BCAS3: variants seen among roughly 807,000 people sequenced by gnomAD.
BCAS3 encodes BCAS3 microtubule associated cell migration factor, also known as BCAS4/BCAS3 fusion.
A neutral mutation model predicts 116.1 loss-of-function variants in BCAS3; 53 were observed. That is an observed-to-expected ratio of 0.46 (90% CI 0.37 to 0.57). The LOEUF is 0.57. BCAS3 is among the 20% of genes least tolerant of loss of function. The pLI is 0.00. For missense variants in BCAS3, 917 were observed against 1,165.4 expected, an observed-to-expected ratio of 0.79 and a Z score of 3.10; for synonymous variants, 391 against 408.2, an observed-to-expected ratio of 0.96 and a Z score of 0.51.
At chr17:61,351,740 T>C (rs999409090) in intron 22 of BCAS3, among the ~76,000 whole-genome samples, 4 of 152,060 alleles carry the variant, frequency 2.6e-5, no homozygotes, top group African/African-American at 9.7e-5. Context: ...ACCAGGAGGA[T>C]GTAAGGAGGT....
chr17:60,757,331 TAAATA>T (rs2043094914), intron 6 of BCAS3, among the ~76,000 whole-genome samples: 2 of 22,302 alleles, frequency 9.0e-5, no homozygotes, highest in Non-Finnish European at 1.6e-3. Flanking sequence ...ATAATAATAA[TAAATA>T]AATAAATAAA....
chr17:60,787,387 A>G (rs2046370774), intron 6 of BCAS3, among the ~76,000 whole-genome samples: 1 of 152,150 alleles, frequency 6.6e-6, no homozygotes, highest in African/African-American at 2.4e-5. Flanking sequence ...ATACATCAAT[A>G]TATCTTTCCT....
chr17:61,329,343 A>ATTATTTTTTTTTTT (rs1555831750), intron 22 of BCAS3, among the ~76,000 whole-genome samples: 1 of 131,278 alleles, frequency 7.6e-6, no homozygotes, highest in African/African-American at 2.9e-5. Flanking sequence ...TATTATTATT[A>ATTATTTTTTTTTTT]TTTTTTTTTT....
chr17:61,369,281 A>C (rs1187492991), intron 23 of BCAS3, among the ~76,000 whole-genome samples: 2 of 152,064 alleles, frequency 1.3e-5, no homozygotes, highest in African/African-American at 2.4e-5. Context: ...CCCTCCTTTC[A>C]GAGGGAACTT....
At chr17:60,817,283 G>T (rs2049515199) in intron 7 of BCAS3, among the ~76,000 whole-genome samples, 1 of 152,178 alleles carries the variant, frequency 6.6e-6, no homozygotes, top group East Asian at 1.9e-4. Flanking sequence ...AGAAACTAAG[G>T]CAGTGTCTTG....
chr17:60,968,641 A>T (rs921184615), intron 14 of BCAS3, among the ~76,000 whole-genome samples: 2 of 152,042 alleles, frequency 1.3e-5, no homozygotes, highest in Admixed American at 6.6e-5. Context: ...AGTACTGCCT[A>T]TCCTGATTTG....
intron 22 of BCAS3, among the ~76,000 whole-genome samples, chr17:61,178,339 G>A (rs1279658515): frequency 6.6e-6 from 1 of 152,130 alleles, no homozygotes; most frequent in Non-Finnish European, 1.5e-5. Flanking sequence ...CTTAGTTGCA[G>A]CACAATATAA....
At position 61,077,757 on chromosome 17, in the gene BCAS3, AG is replaced by A. The variant is rs1462613025; in HGVS notation, c.2131-573del. On this transcript the variant is annotated intron_variant, in intron 20 of 23. Coordinates refer to ENST00000407086, the MANE Select transcript of BCAS3 (RefSeq NM_017679.5). This position sits in a 1 kb window ranked among gnomAD's most constrained non-coding sequence, Gnocchi z 4.3. The stretch of plus-strand genomic sequence containing the variant: ...TTTAAAAGTGGATTGGGGTAATATT[AG>A]GGCAGTATAATAAATATTATAATAT... Among the ~76,000 whole-genome samples the A allele has an allele frequency of 2.0e-5, 3 of 152,226 alleles. No homozygotes were observed. The highest frequency in any genetic ancestry group is 2.9e-5 in the Non-Finnish European group (2 of 68,040).
At chr17:60,948,004 A>G (rs1361172582) in intron 14 of BCAS3, among the ~76,000 whole-genome samples, 2 of 152,230 alleles carry the variant, frequency 1.3e-5, no homozygotes, top group Non-Finnish European at 2.9e-5. Context: ...GCATGGGTAC[A>G]CATATGTTCA....
intron 8 of BCAS3, among the ~76,000 whole-genome samples, chr17:60,872,466 ATATATATCTGTATG>A (rs201785691): frequency 0.03 from 4,474 of 150,052 alleles, 184 homozygotes; most frequent in East Asian, 0.088. Flanking sequence ...CACACACCCC[ATATATATCTGTATG>A]TATATATCTG....
chr17:61,116,988 G>T (rs771193846), intron 22 of BCAS3, among the ~76,000 whole-genome samples: 3 of 152,100 alleles, frequency 2.0e-5, no homozygotes, highest in African/African-American at 7.2e-5. Flanking sequence ...GAAGTTTCCT[G>T]TTTGAAGTTC....
At chr17:61,074,113 G>GAAAAAAAAAAAAAAAAAAAAAAAAAAA (rs917229045) in intron 19 of BCAS3, among the ~76,000 whole-genome samples, 2 of 61,230 alleles carry the variant, frequency 3.3e-5, no homozygotes, top group African/African-American at 4.9e-5. Flanking sequence ...TATCTCTTAA[G>GAAAAAAAAAAAAAAAAAAAAAAAAAAA]AAAAAAAAAA....
In BCAS3 at chr17:61,041,083, TA is replaced by T. The variant is rs1276441169; in HGVS notation, c.2029+192del. On this transcript the variant is annotated intron_variant, in intron 19 of 23. Transcript: ENST00000407086. This position sits in a 1 kb window ranked among gnomAD's most constrained non-coding sequence, Gnocchi z 4.7. The stretch of plus-strand genomic sequence containing the variant: ...AGTATACATTATGTCTCTGACTGCT[TA>T]TATTCTTTACCTATGAAATATATTT... 2.0e-5 allele frequency among the ~76,000 whole-genome samples: 3 copies of T among 152,210 alleles called. No homozygotes were observed. The highest frequency in any genetic ancestry group is 7.2e-5 in the African/African-American group (3 of 41,470).
chr17:61,230,322 A>G (rs558505079), intron 22 of BCAS3, among the ~76,000 whole-genome samples: 4 of 152,212 alleles, frequency 2.6e-5, no homozygotes, highest in Non-Finnish European at 5.9e-5. Context: ...ATAACATAAC[A>G]TTGATGGAGG....
Position 61,213,762 on chromosome 17 carries a change from AT to A in BCAS3, c.2425+129202del, listed in dbSNP as rs2081611200. Among the ~76,000 whole-genome samples, 1 of 152,124 alleles carries A rather than the reference AT, an allele frequency of 6.6e-6. No homozygotes were observed. The highest frequency in any genetic ancestry group is 6.6e-5 in the Admixed American group (1 of 15,258). On this transcript the variant is annotated intron_variant, in intron 22 of 23. Transcript: ENST00000407086. The surrounding 1 kb of genome is among the most constrained non-coding windows in gnomAD (Gnocchi z 5.4). The stretch of plus-strand genomic sequence containing the variant: ...CTGGATTAGAACACACACATTCAGA[AT>A]TTTCTGGATGTGGTTTAGTATATCA...
intron 14 of BCAS3, among the ~76,000 whole-genome samples, chr17:60,947,692 T>A (rs1246836483): frequency 6.6e-6 from 1 of 152,206 alleles, no homozygotes; most frequent in Non-Finnish European, 1.5e-5. Context: ...ATTTGGATTC[T>A]GTGTACATAA....
At chr17:61,009,584 T>C (rs889778097) in intron 15 of BCAS3, among the ~76,000 whole-genome samples, 4 of 152,104 alleles carry the variant, frequency 2.6e-5, no homozygotes, top group African/African-American at 4.8e-5. Context: ...TGGTAAGATA[T>C]GGAAATTTTT....
intron 5 of BCAS3, among the ~76,000 whole-genome samples, chr17:60,719,365 A>C (rs1464348059): frequency 2.6e-5 from 4 of 152,246 alleles, no homozygotes; most frequent in Non-Finnish European, 4.4e-5. Context: ...AGTTTACAGA[A>C]GTATCATTTG....
intron 15 of BCAS3, among the ~76,000 whole-genome samples, chr17:60,992,419 A>G (rs992858445): frequency 1.3e-5 from 2 of 152,138 alleles, no homozygotes; most frequent in Admixed American, 1.3e-4. Context: ...ATGATATTTA[A>G]GGTTGAAAGT....
Sources: allele counts gnomAD v4.1 joint callset (sites outside exome capture counted in the v4.1 genomes callset), GRCh38; gene constraint gnomAD v4.1.1; non-coding constraint Gnocchi (gnomAD v3.1); transcripts MANE v1.5; gene names NCBI Gene and HGNC (gene_info 2026-07-23, HGNC 2026-07-21).